Variants in TRHDE observed in about 807,000 individuals in gnomAD.
The protein encoded by TRHDE is thyrotropin-releasing hormone-degrading ectoenzyme.
A neutral mutation model predicts 125.7 loss-of-function variants in TRHDE; 72 were observed. That is an observed-to-expected ratio of 0.57 (90% CI 0.47 to 0.70). The LOEUF is 0.70. Ranked by LOEUF, TRHDE falls within the 30% of genes least tolerant of loss-of-function variation. TRHDE has a pLI of 0.00. For synonymous variants in TRHDE, 509 were observed against 509.1 expected, an observed-to-expected ratio of 1.00 and a Z score of 0.00; for missense variants, 1,110 against 1,327.1, an observed-to-expected ratio of 0.84 and a Z score of 2.54.
chr12:72,286,580 A>G (rs1283995101), intron 1 of TRHDE, 101 bp from the exon 2 acceptor site: 6 of 1,177,432 alleles, frequency 5.1e-6, no homozygotes, highest in African/African-American at 4.6e-5. Context: ...AAATATTGCA[A>G]TTTGGAATAA....
At chr12:72,513,769 C>T (rs1333500213) in intron 6 of TRHDE, among the ~76,000 whole-genome samples, 6 of 151,860 alleles carry the variant, frequency 4.0e-5, no homozygotes, top group Non-Finnish European at 2.9e-5. Flanking sequence ...AGTTTAAGCA[C>T]GATTTTTAAG....
intron 5 of TRHDE, among the ~76,000 whole-genome samples, chr12:72,487,818 T>A (rs1042699588): frequency 6.6e-6 from 1 of 152,028 alleles, no homozygotes; most frequent in African/African-American, 2.4e-5. Context: ...TAATTAAAGC[T>A]ACAAAAAGTT....
intron 2 of TRHDE, among the ~76,000 whole-genome samples, chr12:72,360,612 C>A (rs1298742153): frequency 1.3e-5 from 2 of 151,606 alleles, no homozygotes; most frequent in Non-Finnish European, 2.9e-5. Flanking sequence ...GGAAGCAGGG[C>A]TTGTACTGGT....
At position 72,183,016 on chromosome 12, in the gene TRHDE, G is replaced by T. The variant is rs186390696; in HGVS notation, n.279+77264G>T. Among the ~76,000 whole-genome samples, 8 of 152,258 alleles carry T rather than the reference G, an allele frequency of 5.3e-5. No homozygotes were observed. In the East Asian group the frequency reaches 1.4e-3, roughly 26 times the overall value. On this transcript the variant is annotated intron_variant and non_coding_transcript_variant, in intron 2 of 4. Coordinates refer to the TRHDE transcript ENST00000548156. ...GAGGGGAGATATCAAACAGTTGGCA[G>T]AAAATGAGGAAAAAGTAGCTACCTG... is the stretch of plus-strand genomic sequence containing the variant.
intron 2 of TRHDE, among the ~76,000 whole-genome samples, chr12:72,363,294 C>T: frequency 8.3e-6 from 1 of 120,386 alleles, no homozygotes; most frequent in East Asian, 2.5e-4. Flanking sequence ...CATCCTGATA[C>T]CAAAGCTGGG....
intron 3 of TRHDE, among the ~76,000 whole-genome samples, chr12:72,396,965 T>A (rs1327713272): frequency 6.6e-6 from 1 of 152,122 alleles, no homozygotes; most frequent in Non-Finnish European, 1.5e-5. Flanking sequence ...TTCAGTACTG[T>A]GGCTTTGAAG....
chr12:72,095,955 A>G (rs1300622558), intron 1 of TRHDE, among the ~76,000 whole-genome samples: 1 of 152,158 alleles, frequency 6.6e-6, no homozygotes, highest in East Asian at 1.9e-4. Context: ...GAATAGAACA[A>G]AAGATTGACT....
intron 2 of TRHDE, among the ~76,000 whole-genome samples, chr12:72,245,331 A>T (rs939479110): frequency 6.6e-6 from 1 of 151,918 alleles, no homozygotes; most frequent in Non-Finnish European, 1.5e-5. Flanking sequence ...AGATATAGAT[A>T]TAGATAAGAA....
intron 2 of TRHDE, among the ~76,000 whole-genome samples, chr12:72,340,163 A>T (rs915391761): frequency 4.6e-5 from 7 of 152,128 alleles, no homozygotes; most frequent in Non-Finnish European, 8.8e-5. Flanking sequence ...CTCACCTGGG[A>T]GTATGGGAAC....
intron 3 of TRHDE, among the ~76,000 whole-genome samples, chr12:72,390,497 A>G (rs1404977175): frequency 6.6e-6 from 1 of 152,228 alleles, no homozygotes; most frequent in African/African-American, 2.4e-5. Flanking sequence ...TGAGATCAGA[A>G]GGTTTTTCAA....
At position 72,375,585 on chromosome 12, in the gene TRHDE, G is replaced by A. The variant is rs146757244; in HGVS notation, c.1189-2410G>A. On this transcript the variant is annotated intron_variant, in intron 2 of 18. Coordinates refer to ENST00000261180, the MANE Select transcript of TRHDE (RefSeq NM_013381.3). Reference sequence around the variant, plus strand: ...TGCTGTATCATTTTAGAGTAGTTCCGGTTATGGTTTTAACATGAATCTACT... The same window carrying A: ...TGCTGTATCATTTTAGAGTAGTTCCAGTTATGGTTTTAACATGAATCTACT... Among the ~76,000 whole-genome samples, 497 of 152,096 alleles carry A rather than the reference G, an allele frequency of 3.3e-3. 2 individuals are homozygous for A. The highest frequency in any genetic ancestry group is 0.011 in the African/African-American group (470 of 41,506).
At chr12:72,384,197 T>TCAC (rs1872316095) in intron 3 of TRHDE, among the ~76,000 whole-genome samples, 1 of 152,188 alleles carries the variant, frequency 6.6e-6, no homozygotes, top group African/African-American at 2.4e-5. Context: ...CAGTTTCCTT[T>TCAC]TACTACTACT....
At chr12:72,582,186 TAA>T (rs1175852740) in intron 12 of TRHDE, 72 of 915,740 alleles carry the variant, frequency 7.9e-5, no homozygotes, top group Non-Finnish European at 8.7e-5. Context: ...GATGAATATA[TAA>T]GTTAAAAAAT....
At chr12:72,636,701 T>A (rs1873771496) in intron 15 of TRHDE, among the ~76,000 whole-genome samples, 1 of 152,222 alleles carries the variant, frequency 6.6e-6, no homozygotes, top group African/African-American at 2.4e-5. Flanking sequence ...TTATTGAAAG[T>A]TTTTAGCATG....
rs148831785 is a variant in TRHDE, at chr12:72,660,233, C to T, written c.3067-2819C>T. ...TCACTATTTCTTCTACTGCTATCTA[C>T]TACGAACTTCAAAGAGGAACCAGAA... On this transcript the variant is annotated intron_variant, in intron 18 of 18. Transcript: ENST00000261180. Among the ~76,000 whole-genome samples, 412 of 152,292 alleles carry T rather than the reference C, an allele frequency of 2.7e-3. 1 individual carries two copies. The highest frequency in any genetic ancestry group is 9.5e-3 in the African/African-American group (395 of 41,570).
chr12:72,284,688 C>T (rs4423229), intron 1 of TRHDE, among the ~76,000 whole-genome samples: 100,185 of 151,666 alleles, frequency 0.66, 33,374 homozygotes, highest in East Asian at 0.83. Context: ...AATGTGAGTT[C>T]TAGACCCAGC....
chr12:72,482,748 C>A (rs982808472), intron 5 of TRHDE, among the ~76,000 whole-genome samples: 2 of 151,836 alleles, frequency 1.3e-5, no homozygotes, highest in Admixed American at 1.3e-4. Context: ...TCGATTGCCC[C>A]TTCAGAGGAA....
intron 2 of TRHDE, among the ~76,000 whole-genome samples, chr12:72,116,056 C>T (rs1875436268): frequency 6.6e-6 from 1 of 152,126 alleles, no homozygotes; most frequent in Admixed American, 6.5e-5. Flanking sequence ...GTTCCCCTTT[C>T]TGTGTCCATG....
Position 72,630,002 on chromosome 12 carries a change from A to G in TRHDE, c.2675+8251A>G, listed in dbSNP as rs150390809. Among the ~76,000 whole-genome samples, 16 of 150,612 alleles carry G rather than the reference A, an allele frequency of 1.1e-4. No individual in the cohort carries two copies. The East Asian group carries it at 3.1e-3, about 29-fold the overall frequency. On this transcript the variant is annotated intron_variant, in intron 15 of 18. Coordinates refer to ENST00000261180, the MANE Select transcript of TRHDE (RefSeq NM_013381.3). ...AATATGGTAAAATATGGAAGCATCAATATTGTTTCATTTTATGTATATATA... is the reference window on the plus strand; with the variant it reads ...AATATGGTAAAATATGGAAGCATCAGTATTGTTTCATTTTATGTATATATA...
Sources: gnomAD v4.1 joint callset for allele counts (sites outside exome capture counted in the v4.1 genomes callset) on GRCh38, gnomAD v4.1.1 for gene constraint, MANE v1.5 for transcripts, NCBI Gene and HGNC (gene_info 2026-07-23, HGNC 2026-07-21) for gene names.